ADAMTS6: variants seen among roughly 807,000 people sequenced by gnomAD.
ADAMTS6 encodes the protein A disintegrin and metalloproteinase with thrombospondin motifs 6.
In ADAMTS6, 23 loss-of-function variants were observed where a neutral mutation model predicts 144.3. The observed-to-expected ratio is 0.16, with a 90% CI of 0.11 to 0.23. The LOEUF is 0.23. Among genes scored for constraint, ADAMTS6 ranks in the 10% least tolerant of loss-of-function variants. ADAMTS6 has a pLI of 1.00. For missense variants in ADAMTS6, 999 were observed against 1,379.6 expected (o/e 0.72, Z 4.37); for synonymous variants, 444 against 457.5 (o/e 0.97, Z 0.38).
intron 7 of ADAMTS6, among the ~76,000 whole-genome samples, chr5:65,352,933 G>A (rs1023881202): frequency 6.6e-6 from 1 of 151,936 alleles, no homozygotes; most frequent in Non-Finnish European, 1.5e-5. Context: ...AACGACATAT[G>A]AGACCCTCCA....
chr5:65,332,306 TATATATAGAG>T (rs1443536352), intron 8 of ADAMTS6, among the ~76,000 whole-genome samples: 12 of 120,658 alleles, frequency 9.9e-5, no homozygotes, highest in African/African-American at 2.0e-4. Context: ...TATATATATA[TATATATAGAG>T]AGAGAGAGAG....
At chr5:65,280,863 G>A (rs930663790) in intron 11 of ADAMTS6, among the ~76,000 whole-genome samples, 1 of 152,182 alleles carries the variant, frequency 6.6e-6, no homozygotes, top group African/African-American at 2.4e-5. Context: ...GGAGAAGTCA[G>A]TTCAATCAAT....
intron 7 of ADAMTS6, among the ~76,000 whole-genome samples, chr5:65,405,947 A>T (rs938106057): frequency 1.3e-5 from 2 of 151,988 alleles, no homozygotes; most frequent in Non-Finnish European, 2.9e-5. Context: ...GCTCTGTGTT[A>T]GTCTGTTATT....
At chr5:65,335,369 A>C in intron 7 of ADAMTS6, among the ~76,000 whole-genome samples, 1 of 152,142 alleles carries the variant, frequency 6.6e-6, no homozygotes, top group East Asian at 1.9e-4. Flanking sequence ...CGAATGTAAG[A>C]TATAGAGAGG....
At chr5:65,182,042 G>A (rs540854493) in intron 22 of ADAMTS6, among the ~76,000 whole-genome samples, 1 of 152,108 alleles carries the variant, frequency 6.6e-6, no homozygotes, top group South Asian at 2.1e-4. Context: ...ATGCCAGGTC[G>A]TGCTTACAAT....
intron 21 of ADAMTS6, among the ~76,000 whole-genome samples, chr5:65,193,675 T>C (rs1755152593): frequency 6.6e-6 from 1 of 152,124 alleles, no homozygotes; most frequent in Non-Finnish European, 1.5e-5. Flanking sequence ...TTGGACAATG[T>C]GATCTCAAAG....
At chr5:65,276,412 A>G (rs1360416245) in intron 11 of ADAMTS6, among the ~76,000 whole-genome samples, 2 of 152,200 alleles carry the variant, frequency 1.3e-5, no homozygotes, top group African/African-American at 4.8e-5. Flanking sequence ...GTTTTCAGAT[A>G]GATCTTGCAA....
intron 9 of ADAMTS6, among the ~76,000 whole-genome samples, chr5:65,327,446 AAAC>A (rs146593395): frequency 0.011 from 1,682 of 152,074 alleles, 26 homozygotes; most frequent in African/African-American, 0.038. Context: ...TTTGTCTGTC[AAAC>A]AACATTTTTA....
chr5:65,244,891 T>C (rs1421368947), intron 14 of ADAMTS6, among the ~76,000 whole-genome samples: 7 of 152,184 alleles, frequency 4.6e-5, no homozygotes, highest in Admixed American at 4.6e-4. Flanking sequence ...GGCCCTGTCA[T>C]TAACCAGATG....
At chr5:65,388,300 C>T (rs571909308) in intron 7 of ADAMTS6, among the ~76,000 whole-genome samples, 107 of 152,258 alleles carry the variant, frequency 7.0e-4, no homozygotes, top group South Asian at 3.9e-3. Context: ...CTACAACTAC[C>T]ATCCTTCTGT....
chr5:65,231,647 C>T (rs575888640), intron 15 of ADAMTS6, among the ~76,000 whole-genome samples: 129 of 152,212 alleles, frequency 8.5e-4, no homozygotes, highest in African/African-American at 3.0e-3. Context: ...AGTCTTAACA[C>T]ATTTAAGATT....
At chr5:65,200,343 G>A (rs905982348) in intron 20 of ADAMTS6, among the ~76,000 whole-genome samples, 12 of 152,112 alleles carry the variant, frequency 7.9e-5, no homozygotes, top group Non-Finnish European at 2.9e-5. Flanking sequence ...AGATCAACTG[G>A]AAATAATCTA....
chr5:65,174,589 C>A (rs950711915), intron 22 of ADAMTS6, among the ~76,000 whole-genome samples: 6 of 152,044 alleles, frequency 3.9e-5, no homozygotes, highest in Admixed American at 2.0e-4. Flanking sequence ...GGAACTTGCC[C>A]ACTCCATTTG....
chr5:65,405,535 G>T (rs1480333325), intron 7 of ADAMTS6, among the ~76,000 whole-genome samples: 2 of 152,056 alleles, frequency 1.3e-5, no homozygotes, highest in Non-Finnish European at 2.9e-5. Context: ...ACCATGCTGT[G>T]TTGGTTACTG....
rs141297300 is a variant in ADAMTS6 at position 65,194,441 on chromosome 5, G to A, written c.2705+2581C>T. On this transcript the variant is annotated intron_variant, in intron 21 of 24. Transcript: ENST00000381055. ...CCAGATGATTTTGCCCAATGGTAGT[G>A]TTCTGAGCACATTTACGGTGCACTG... Among the ~76,000 whole-genome samples the A allele has an allele frequency of 2.6e-5, 4 of 152,280 alleles. No individual in the cohort carries two copies. The East Asian group carries it at 5.8e-4, about 22-fold the overall frequency.
At position 65,163,572 on chromosome 5, in the gene ADAMTS6, T is replaced by C. The variant is rs143020772; in HGVS notation, c.3244+7045A>G. Among the ~76,000 whole-genome samples the C allele has an allele frequency of 1.9e-3, 288 of 152,350 alleles. 2 individuals carry two copies. The highest frequency in any genetic ancestry group is 5.3e-3 in the African/African-American group (222 of 41,588). On this transcript the variant is annotated intron_variant, in intron 24 of 24. Transcript: ENST00000381055. Reference sequence around the variant, plus strand: ...AGAAAACACTTTTAAATAGTGAGTATTATTTTTAAGAATCCTTTGAATTAG... The same window carrying C: ...AGAAAACACTTTTAAATAGTGAGTACTATTTTTAAGAATCCTTTGAATTAG...
At chr5:65,342,440 T>C (rs1186020435) in intron 7 of ADAMTS6, among the ~76,000 whole-genome samples, 1 of 152,076 alleles carries the variant, frequency 6.6e-6, no homozygotes. Context: ...CCCACCCCCA[T>C]GATTCAGTTA....
intron 7 of ADAMTS6, among the ~76,000 whole-genome samples, chr5:65,430,284 A>G (rs1278887982): frequency 1.3e-5 from 2 of 152,026 alleles, no homozygotes; most frequent in East Asian, 1.9e-4. Context: ...CTACAAACCT[A>G]GACAACTGCT....
intron 3 of ADAMTS6, among the ~76,000 whole-genome samples, chr5:65,468,471 AGAAT>A (rs1025728503): frequency 6.6e-6 from 1 of 151,914 alleles, no homozygotes; most frequent in Admixed American, 6.6e-5. Context: ...ATACAAAATA[AGAAT>A]GAAGATAAAG....
Sources: gnomAD v4.1 joint callset for allele counts (sites outside exome capture counted in the v4.1 genomes callset) on GRCh38, gnomAD v4.1.1 for gene constraint, MANE v1.5 for transcripts, NCBI Gene and HGNC (gene_info 2026-07-23, HGNC 2026-07-21) for gene names.